The following SLC22A3 variants were observed in gnomAD, a reference collection of about 807,000 sequenced individuals.
SLC22A3 encodes EMT organic cation transporter 3.
A neutral mutation model predicts 59.1 loss-of-function variants in SLC22A3; 51 were observed. The ratio of observed to expected loss-of-function variants is 0.86; its 90% CI spans 0.69 to 1.09. The LOEUF (loss-of-function observed/expected upper bound fraction) is 1.09, where lower values mean the gene tolerates loss of function less well. Ranked by LOEUF, SLC22A3 falls within the 50% of genes least tolerant of loss-of-function variation. The probability of loss-of-function intolerance (pLI) is 0.00; values close to 1 mark genes in which losing one functional copy is unlikely to be tolerated. For synonymous variants in SLC22A3, 325 were observed against 292.0 expected (o/e 1.11, Z -1.15); for missense variants, 711 against 726.3 (o/e 0.98, Z 0.24).
At position 160,348,825 on chromosome 6, in the gene SLC22A3, G is replaced by T; in HGVS notation, c.406G>T (p.Ala136Ser). Residue 136 changes from alanine (A) to serine (S), a missense_variant, in exon 1 of 11, where the codon GCC becomes TCC. Coordinates refer to ENST00000275300, the MANE Select transcript of SLC22A3 (RefSeq NM_021977.4). Reference protein sequence around the residue: ...PCRGGWRYAQAHSTIVSEFDL... With the variant: ...PCRGGWRYAQSHSTIVSEFDL... ...CCGCGGCGGCTGGCGCTACGCCCAG[G>T]CCCACTCCACCATCGTCAGCGAGGT... is the stretch of plus-strand genomic sequence containing the variant. 2 of 1,583,114 alleles carry T rather than the reference G, an allele frequency of 1.3e-6. No individual in the cohort carries two copies. The highest frequency in any genetic ancestry group is 1.3e-5 in the African/African-American group (1 of 74,768).
At chr6:160,425,832 C>A in intron 5 of SLC22A3, 1 of 985,276 alleles carries the variant, frequency 1.0e-6, no homozygotes, top group Non-Finnish European at 1.2e-6. Flanking sequence ...ATAGTGAACA[C>A]AATATAACAT....
At chr6:160,388,401 C>A (rs752289531) in intron 1 of SLC22A3, among the ~76,000 whole-genome samples, 12 of 152,156 alleles carry the variant, frequency 7.9e-5, no homozygotes, top group Non-Finnish European at 1.2e-4. Flanking sequence ...CTGGGACCCA[C>A]CCCTAGAAAT....
chr6:160,430,092 C>G lies in SLC22A3; in HGVS notation c.976-6688C>G, dbSNP rs550693934. ...ATAGGTGCATATATGTATATATATA[C>G]ACACTTGTATGTATCTGTGTATATG... On this transcript the variant is annotated intron_variant, in intron 5 of 10. Transcript: ENST00000275300. Among the ~76,000 whole-genome samples, 34 of 151,946 alleles carry G rather than the reference C, an allele frequency of 2.2e-4. No homozygotes were observed. In the South Asian group the frequency reaches 3.5e-3, roughly 16 times the overall value.
chr6:160,395,871 A>C (rs1786449620), intron 1 of SLC22A3, among the ~76,000 whole-genome samples: 1 of 152,250 alleles, frequency 6.6e-6, no homozygotes, highest in African/African-American at 2.4e-5. Context: ...TTTACTTATG[A>C]ATATGTATTT....
intron 1 of SLC22A3, among the ~76,000 whole-genome samples, chr6:160,383,003 T>C (rs542783190): frequency 6.6e-6 from 1 of 152,026 alleles, no homozygotes; most frequent in East Asian, 1.9e-4. Context: ...ATCTTAAGAA[T>C]AGAAAGAAAA....
intron 1 of SLC22A3, among the ~76,000 whole-genome samples, chr6:160,362,840 G>A (rs1430863541): frequency 6.6e-6 from 1 of 152,252 alleles, no homozygotes; most frequent in Non-Finnish European, 1.5e-5. Flanking sequence ...GCTCGAGGTG[G>A]TGCCGGCAGC....
At chr6:160,384,953 C>T (rs977012917) in intron 1 of SLC22A3, among the ~76,000 whole-genome samples, 1 of 152,234 alleles carries the variant, frequency 6.6e-6, no homozygotes, top group African/African-American at 2.4e-5. Flanking sequence ...TCTCAGGTTC[C>T]TGGTGCATTT....
At chr6:160,437,313 A>C in intron 7 of SLC22A3, 102 bp downstream of exon 7, 1 of 1,188,008 alleles carries the variant, frequency 8.4e-7, no homozygotes, top group Non-Finnish European at 1.2e-6. Context: ...TGTGCAATGG[A>C]ATCACAGTCT....
In SLC22A3 at chr6:160,452,035, G is replaced by A. The variant is rs1172021314; in HGVS notation, c.*979G>A. On this transcript the variant is annotated 3_prime_UTR_variant, in exon 11 of 11. Transcript: ENST00000275300. ...GAAAAGCTTACATTTTAATTTAAAA[G>A]AAAGATCAATTATATCCATGCTTAA... 6.6e-6 allele frequency: 1 copy of A among 152,172 alleles called. No individual in the cohort carries two copies. 9.4% of individuals were successfully genotyped at this position (152,172 alleles called of 1,614,324 possible). A position where few individuals can be genotyped will look rare whatever the true frequency, so the allele number is the denominator to read the frequency against.
At chr6:160,378,623 G>T (rs1457246222) in intron 1 of SLC22A3, among the ~76,000 whole-genome samples, 1 of 152,132 alleles carries the variant, frequency 6.6e-6, no homozygotes, top group Non-Finnish European at 1.5e-5. Flanking sequence ...GACTTAGGAT[G>T]GGATCACATC....
chr6:160,406,532 A>C (rs1467877139), intron 2 of SLC22A3, among the ~76,000 whole-genome samples: 1 of 152,210 alleles, frequency 6.6e-6, no homozygotes, highest in African/African-American at 2.4e-5. Flanking sequence ...TCACATTAAC[A>C]TCTCATTTGA....
intron 10 of SLC22A3, among the ~76,000 whole-genome samples, chr6:160,450,426 C>T (rs373276441): frequency 1.5e-3 from 231 of 152,234 alleles, no homozygotes; most frequent in African/African-American, 5.2e-3. Context: ...CCCTGAAAAT[C>T]GCTGTTACTC....
intron 1 of SLC22A3, among the ~76,000 whole-genome samples, chr6:160,390,318 G>A (rs896554594): frequency 2.0e-5 from 3 of 152,160 alleles, no homozygotes; most frequent in Non-Finnish European, 4.4e-5. Context: ...AATTCAGAGC[G>A]AGGAACCCCA....
intron 5 of SLC22A3, among the ~76,000 whole-genome samples, chr6:160,419,456 A>G: frequency 6.6e-6 from 1 of 152,204 alleles, no homozygotes; most frequent in East Asian, 1.9e-4. Flanking sequence ...TGTTGTGTTT[A>G]GTTGTGATCT....
intron 2 of SLC22A3, 96 bp from the exon 3 acceptor site, chr6:160,406,945 G>A: frequency 7.4e-7 from 1 of 1,345,500 alleles, no homozygotes; most frequent in East Asian, 2.5e-5. Flanking sequence ...ATGTAATACA[G>A]TATAATATGG....
intron 5 of SLC22A3, 151 bp downstream of exon 5, chr6:160,410,997 C>A (rs1787227375): frequency 2.3e-6 from 1 of 429,300 alleles, no homozygotes; most frequent in South Asian, 2.9e-5. Flanking sequence ...TATACACACA[C>A]ACACACACTA....
In SLC22A3 at chr6:160,371,999, T is replaced by C. The variant is rs191323301; in HGVS notation, c.429+23151T>C. Among the ~76,000 whole-genome samples, 260 of 152,310 alleles carry C rather than the reference T, an allele frequency of 1.7e-3. 3 individuals carry two copies. The highest frequency in any genetic ancestry group is 6.0e-3 in the African/African-American group (251 of 41,572). On this transcript the variant is annotated intron_variant, in intron 1 of 10. Transcript: ENST00000275300. ...TTCTTTTGAGAAGTGTCTGTTCATA[T>C]CCTTTGCCCACTTTTTGATGGGGTT...
At chr6:160,351,945 A>G (rs1407865960) in intron 1 of SLC22A3, among the ~76,000 whole-genome samples, 2 of 152,248 alleles carry the variant, frequency 1.3e-5, no homozygotes, top group East Asian at 1.9e-4. Flanking sequence ...AAGCAAGTCC[A>G]TGAAACATAG....
At chr6:160,404,677 A>G (rs1435245386) in intron 2 of SLC22A3, among the ~76,000 whole-genome samples, 1 of 152,104 alleles carries the variant, frequency 6.6e-6, no homozygotes. Flanking sequence ...GACTGGCACT[A>G]CTTAACGTCA....
Sources: allele counts gnomAD v4.1 joint callset (sites outside exome capture counted in the v4.1 genomes callset), GRCh38; gene constraint gnomAD v4.1.1; transcripts MANE v1.5; gene names NCBI Gene and HGNC (gene_info 2026-07-23, HGNC 2026-07-21).